Variants in PXDNL observed in about 807,000 individuals in gnomAD.
The protein encoded by PXDNL is peroxidasin like, also known as probable oxidoreductase PXDNL.
A neutral mutation model predicts 150.8 loss-of-function variants in PXDNL; 145 were observed. That is an observed-to-expected ratio of 0.96 (90% CI 0.84 to 1.10). The LOEUF (loss-of-function observed/expected upper bound fraction) is 1.10, where lower values mean the gene tolerates loss of function less well. Among genes scored for constraint, PXDNL ranks in the 50% least tolerant of loss-of-function variants. PXDNL has a pLI of 0.00. For missense variants in PXDNL, 2,087 were observed against 1,873.9 expected, an observed-to-expected ratio of 1.11 and a Z score of -2.10; for synonymous variants, 757 against 725.7, an observed-to-expected ratio of 1.04 and a Z score of -0.69.
At chr8:51,694,067 G>A (rs1378760948) in intron 1 of PXDNL, among the ~76,000 whole-genome samples, 1 of 152,154 alleles carries the variant, frequency 6.6e-6, no homozygotes, top group Non-Finnish European at 1.5e-5. Context: ...CCCACCAATG[G>A]GAGGCAACAT....
At chr8:51,416,050 G>C (rs1437293519) in intron 14 of PXDNL, among the ~76,000 whole-genome samples, 3 of 152,194 alleles carry the variant, frequency 2.0e-5, no homozygotes, top group Admixed American at 1.3e-4. Flanking sequence ...TGTATGACTT[G>C]ATTATTTAAT....
chr8:51,335,638 A>T (rs1805810358), intron 21 of PXDNL, among the ~76,000 whole-genome samples: 1 of 151,556 alleles, frequency 6.6e-6, no homozygotes, highest in Non-Finnish European at 1.5e-5. Flanking sequence ...TTATAATTAA[A>T]AGTGTAAATT....
intron 1 of PXDNL, among the ~76,000 whole-genome samples, chr8:51,806,993 A>T (rs1188738604): frequency 6.6e-6 from 1 of 152,226 alleles, no homozygotes; most frequent in East Asian, 1.9e-4. Context: ...ACATGATACT[A>T]ATAGTGAAAA....
At chr8:51,522,600 T>C (rs1231762280) in intron 4 of PXDNL, among the ~76,000 whole-genome samples, 5 of 152,066 alleles carry the variant, frequency 3.3e-5, no homozygotes, top group East Asian at 1.9e-4. Flanking sequence ...TCCCAGCACT[T>C]TGGGGGGCCG....
At chr8:51,798,204 A>T (rs917779314) in intron 1 of PXDNL, among the ~76,000 whole-genome samples, 1 of 152,216 alleles carries the variant, frequency 6.6e-6, no homozygotes, top group African/African-American at 2.4e-5. Context: ...TAAAGACTTA[A>T]ATGTAAAACC....
At chr8:51,731,513 G>A (rs975793543) in intron 1 of PXDNL, among the ~76,000 whole-genome samples, 13 of 152,330 alleles carry the variant, frequency 8.5e-5, no homozygotes, top group African/African-American at 2.4e-4. Context: ...CAAGCTATCC[G>A]TGGAACTACC....
At chr8:51,553,740 TTATATA>T (rs747698313) in intron 4 of PXDNL, among the ~76,000 whole-genome samples, 4,121 of 112,844 alleles carry the variant, frequency 0.037, 303 homozygotes, top group African/African-American at 0.16. Flanking sequence ...GTGAGGGATT[TTATATA>T]TATATATATA....
rs1403760949 is a variant in PXDNL, at chr8:51,408,853, A to G, written c.2771T>C (p.Phe924Ser). 1 of 1,580,532 alleles carries G rather than the reference A, an allele frequency of 6.3e-7. No individual in the cohort carries two copies. Among genetic ancestry groups the G allele is most frequent in the Admixed American group, 1.8e-5 (1 of 54,746 alleles). Residue 924 changes from phenylalanine (F) to serine (S), a missense_variant, in exon 17 of 23, where the codon TTT becomes TCT. Coordinates refer to ENST00000356297, the MANE Select transcript of PXDNL (RefSeq NM_144651.5). ...SVPRGLLKTG[F>S]PWPPSGKPLL... ...GGGCTTTCCGGAGGGAGGCCAAGGA[A>G]AGCCTGTCTTCAGGAGACCCCGAGG...
At chr8:51,762,282 T>C (rs2037173700) in intron 1 of PXDNL, among the ~76,000 whole-genome samples, 1 of 152,210 alleles carries the variant, frequency 6.6e-6, no homozygotes, top group South Asian at 2.1e-4. Context: ...AAAATATATT[T>C]CCTTGCCATA....
chr8:51,389,181 G>C (rs1036340783), intron 17 of PXDNL, among the ~76,000 whole-genome samples: 1 of 152,164 alleles, frequency 6.6e-6, no homozygotes, highest in Admixed American at 6.6e-5. Context: ...TATGCACCAG[G>C]TCGTAAAAGA....
intron 1 of PXDNL, among the ~76,000 whole-genome samples, chr8:51,794,369 T>A (rs1288482736): frequency 6.6e-6 from 1 of 151,958 alleles, no homozygotes; most frequent in Non-Finnish European, 1.5e-5. Context: ...GTCATCAGAT[T>A]CTCCAAGGTC....
intron 19 of PXDNL, among the ~76,000 whole-genome samples, chr8:51,366,417 G>A (rs1401978316): frequency 6.6e-6 from 1 of 152,120 alleles, no homozygotes; most frequent in Non-Finnish European, 1.5e-5. Flanking sequence ...CTTCCACCAC[G>A]TGGCTGTGCT....
intron 1 of PXDNL, among the ~76,000 whole-genome samples, chr8:51,696,655 A>AAG (rs778280308): frequency 1.4e-5 from 2 of 138,786 alleles, no homozygotes; most frequent in African/African-American, 5.5e-5. Context: ...ATCCACACAC[A>AAG]TCCACACACA....
At chr8:51,668,176 C>CTCTTTTTTTTTTTTTT (rs1554564343) in intron 1 of PXDNL, among the ~76,000 whole-genome samples, 1 of 77,386 alleles carries the variant, frequency 1.3e-5, no homozygotes, top group Non-Finnish European at 2.2e-5. Context: ...CTCGCTCTCT[C>CTCTTTTTTTTTTTTTT]TTTTTTTTTT....
intron 19 of PXDNL, among the ~76,000 whole-genome samples, chr8:51,357,593 A>C (rs1806552144): frequency 1.3e-5 from 2 of 152,236 alleles, no homozygotes; most frequent in African/African-American, 2.4e-5. Context: ...GTCAGTATAC[A>C]CACACAATAG....
At chr8:51,749,267 T>C (rs1278877327) in intron 1 of PXDNL, among the ~76,000 whole-genome samples, 1 of 152,202 alleles carries the variant, frequency 6.6e-6, no homozygotes, top group African/African-American at 2.4e-5. Context: ...TACTGAGTCA[T>C]GGGTCACTTA....
In PXDNL at chr8:51,502,686, CT is replaced by C. The variant is rs1430145338; in HGVS notation, c.381-2917del. ...GAAGTGTTTTTTTTTTTCCTTTCAA[CT>C]TTTTAATGCTTTGAAACAATTTATT... On this transcript the variant is annotated intron_variant, in intron 4 of 22. Coordinates refer to ENST00000356297, the MANE Select transcript of PXDNL (RefSeq NM_144651.5). 2.0e-5 allele frequency among the ~76,000 whole-genome samples: 3 copies of C among 150,960 alleles called. No homozygotes were observed. In the East Asian group the frequency reaches 5.8e-4, roughly 29 times the overall value.
At chr8:51,536,915 A>G (rs1465524383) in intron 4 of PXDNL, among the ~76,000 whole-genome samples, 5 of 152,208 alleles carry the variant, frequency 3.3e-5, no homozygotes, top group Non-Finnish European at 2.9e-5. Context: ...ACCTGAACTC[A>G]ATGTTTATAA....
chr8:51,341,367 G>A (rs1308115726), intron 20 of PXDNL, among the ~76,000 whole-genome samples: 2 of 152,050 alleles, frequency 1.3e-5, no homozygotes, highest in Admixed American at 1.3e-4. Flanking sequence ...ATATTACAAA[G>A]TACTAAATAT....
Sources: allele counts gnomAD v4.1 joint callset (sites outside exome capture counted in the v4.1 genomes callset), GRCh38; gene constraint gnomAD v4.1.1; transcripts MANE v1.5; gene names NCBI Gene and HGNC (gene_info 2026-07-23, HGNC 2026-07-21).